Variants in RLIG1 observed in about 807,000 individuals in gnomAD.
The protein encoded by RLIG1 is RNA 5'-phosphate and 3'-OH ligase 1, also known as RNA ligase 1.
At chr12:88,045,615 A>G in the RLIG1 span, 1 of 1,612,562 alleles carries the variant, frequency 6.2e-7, no homozygotes, top group South Asian at 1.1e-5. Context: ...AACAAACAGT[A>G]TTGCTGGCAT....
At chr12:88,043,005 T>A in the RLIG1 span, 1 of 670,956 alleles carries the variant, frequency 1.5e-6, no homozygotes, top group Non-Finnish European at 2.3e-6. Flanking sequence ...CATTATATCC[T>A]TCTGTGTAAT....
the RLIG1 span, chr12:88,047,115 C>A: frequency 2.4e-6 from 2 of 838,058 alleles, no homozygotes; most frequent in Non-Finnish European, 3.6e-6. Context: ...ATCCCATGTA[C>A]CACCATTTTT....
the RLIG1 span, among the ~76,000 whole-genome samples, chr12:88,036,942 T>C: frequency 6.6e-6 from 1 of 152,210 alleles, no homozygotes; most frequent in East Asian, 1.9e-4. Context: ...AGGGGAGTAG[T>C]TTGTGAAAGT....
the RLIG1 span, chr12:88,035,898 G>T: frequency 1.3e-6 from 2 of 1,504,058 alleles, no homozygotes; most frequent in Non-Finnish European, 8.8e-7. Context: ...TGGGAGTTCC[G>T]TACGCCCTGA....
At chr12:88,042,926 T>C in the RLIG1 span, 1 of 1,486,766 alleles carries the variant, frequency 6.7e-7, no homozygotes. Context: ...AAAAGGTTAG[T>C]TTTTTTTTAA....
chr12:88,037,411 G>A, the RLIG1 span, among the ~76,000 whole-genome samples: 1 of 152,154 alleles, frequency 6.6e-6, no homozygotes, highest in South Asian at 2.1e-4. Context: ...AGTGTCTCGT[G>A]TTGTCCTTTG....
the RLIG1 span, chr12:88,045,487 A>G: frequency 2.3e-6 from 2 of 887,270 alleles, no homozygotes; most frequent in South Asian, 1.8e-5. Context: ...CACCCAGAAA[A>G]CATGAGAAAT....
the RLIG1 span, among the ~76,000 whole-genome samples, chr12:88,037,888 A>G: frequency 1.3e-5 from 2 of 152,208 alleles, no homozygotes; most frequent in African/African-American, 4.8e-5. Context: ...AAAAGTTAGT[A>G]GGAACCCAAG....
the RLIG1 span, among the ~76,000 whole-genome samples, chr12:88,039,640 T>C: frequency 6.6e-6 from 1 of 152,164 alleles, no homozygotes. Flanking sequence ...CTTTCCACCG[T>C]ATCCAAAATA....
At chr12:88,048,116 A>C in the RLIG1 span, 10 of 618,592 alleles carry the variant, frequency 1.6e-5, 1 homozygote, top group South Asian at 5.4e-5. Context: ...AAAAAAAAAA[A>C]CAGTAAGATA....
chr12:88,045,726 T>C, the RLIG1 span: 1 of 1,613,214 alleles, frequency 6.2e-7, no homozygotes, highest in South Asian at 1.1e-5. Flanking sequence ...CTTTCAGATC[T>C]CTTAGAACAA....
chr12:88,047,448 A>G, the RLIG1 span, among the ~76,000 whole-genome samples: 4 of 152,154 alleles, frequency 2.6e-5, 1 homozygote, highest in African/African-American at 9.7e-5. Context: ...AACTGGGCCT[A>G]GTTGTAACTC....
the RLIG1 span, among the ~76,000 whole-genome samples, chr12:88,040,628 A>G: frequency 1.3e-5 from 2 of 152,146 alleles, no homozygotes; most frequent in Non-Finnish European, 2.9e-5. Context: ...TGAACTGGCA[A>G]TGGGACCTAT....
chr12:88,048,632 TAGTA>T, the RLIG1 span: 8,987 of 348,600 alleles, frequency 0.026, 170 homozygotes, highest in African/African-American at 0.065. Flanking sequence ...ACATAAGTAA[TAGTA>T]AGCTCCTAAG....
the RLIG1 span, among the ~76,000 whole-genome samples, chr12:88,038,522 CA>C: frequency 6.6e-6 from 1 of 152,090 alleles, no homozygotes; most frequent in African/African-American, 2.4e-5. Flanking sequence ...TTTATAGAGG[CA>C]ATTTTTCTTT....
the RLIG1 span, among the ~76,000 whole-genome samples, chr12:88,047,267 CTAACT>C: frequency 6.6e-6 from 1 of 152,110 alleles, no homozygotes; most frequent in African/African-American, 2.4e-5. Flanking sequence ...ACATCTTGTA[CTAACT>C]TAACTCAGCA....
chr12:88,040,071 A>G, the RLIG1 span: 2 of 757,762 alleles, frequency 2.6e-6, no homozygotes, highest in South Asian at 1.5e-5. Flanking sequence ...GAAATTAAGA[A>G]GATTTCAGGT....
chr12:88,048,193 G>GT, the RLIG1 span: 1 of 1,420,964 alleles, frequency 7.0e-7, no homozygotes, highest in Non-Finnish European at 9.3e-7. Context: ...AATGAAGATA[G>GT]TATCTGTATG....
chr12:88,040,144 T>A, the RLIG1 span: 1 of 1,561,962 alleles, frequency 6.4e-7, no homozygotes, highest in Non-Finnish European at 8.8e-7. Flanking sequence ...TCTCTTTTTT[T>A]AAGCCATTTA....
Sources: allele counts gnomAD v4.1 joint callset (sites outside exome capture counted in the v4.1 genomes callset), GRCh38; gene constraint gnomAD v4.1.1; transcripts MANE v1.5; gene names NCBI Gene and HGNC (gene_info 2026-07-23, HGNC 2026-07-21).